Variants in EYA3 observed in about 807,000 individuals in gnomAD.
EYA3 encodes the protein EYA transcriptional coactivator and phosphatase 3.
Under a neutral mutation model 80.0 loss-of-function variants are expected in EYA3, and 39 were observed. The observed-to-expected ratio is 0.49, with a 90% confidence interval of 0.38 to 0.64. EYA3 has a LOEUF of 0.64. EYA3 is among the 30% of genes least tolerant of loss of function. The pLI, the probability that EYA3 is intolerant of heterozygous loss-of-function variation, is 0.00. For missense variants in EYA3, 523 were observed against 676.1 expected (o/e 0.77, Z 2.51); for synonymous variants, 206 against 232.8 (o/e 0.88, Z 1.05).
chr1:28,005,812 T>C lies in EYA3; in HGVS notation c.910-1393A>G, dbSNP rs117515928. Among the ~76,000 whole-genome samples the C allele has an allele frequency of 9.7e-4, 148 of 152,096 alleles. 3 individuals are homozygous for C. In the East Asian group the frequency reaches 0.027, roughly 28 times the overall value. On this transcript the variant is annotated intron_variant, in intron 10 of 17. Coordinates refer to ENST00000373871, the MANE Select transcript of EYA3 (RefSeq NM_001990.4). ...CAAATTCAGCAGCATATTAAAAGAATTAAACATCATGGCCGGGCATGGTGG... is the reference window on the plus strand; with the variant it reads ...CAAATTCAGCAGCATATTAAAAGAACTAAACATCATGGCCGGGCATGGTGG...
At chr1:28,047,277 C>T (rs1644046233) in intron 3 of EYA3, among the ~76,000 whole-genome samples, 1 of 152,070 alleles carries the variant, frequency 6.6e-6, no homozygotes, top group Non-Finnish European at 1.5e-5. Context: ...GGATTATAGG[C>T]TCAAGTCACC....
intron 13 of EYA3, among the ~76,000 whole-genome samples, chr1:27,994,469 C>T (rs561880373): frequency 5.3e-5 from 8 of 151,172 alleles, no homozygotes; most frequent in East Asian, 2.0e-4. Context: ...GAGGCCGAGG[C>T]GGGTGGATCT....
rs567076106 is a variant in EYA3 at position 28,053,148 on chromosome 1, C to T, written c.34-4722G>A. Among the ~76,000 whole-genome samples the T allele has an allele frequency of 2.7e-3, 266 of 98,120 alleles. 2 individuals are homozygous for T. The highest frequency in any genetic ancestry group is 0.011 in the African/African-American group (241 of 21,814). The allele number at this position is 98,120 out of a possible 152,430, so 64.4% of individuals were successfully genotyped here. On this transcript the variant is annotated intron_variant, in intron 2 of 17. Transcript: ENST00000373871. ...CAGTCTGGGTGACAAAATGAGACCC[C>T]GTCTCAAAAAAAAAAAAAAAAAAAA... is the stretch of plus-strand genomic sequence containing the variant.
At chr1:28,050,568 G>A (rs74459502) in intron 2 of EYA3, among the ~76,000 whole-genome samples, 10,307 of 151,924 alleles carry the variant, frequency 0.068, 619 homozygotes, top group East Asian at 0.25. Flanking sequence ...ATTTATTACC[G>A]TGCCAACCCA....
At chr1:27,998,674 G>A (rs566557989) in intron 12 of EYA3, among the ~76,000 whole-genome samples, 190 of 147,478 alleles carry the variant, frequency 1.3e-3, no homozygotes, top group Non-Finnish European at 1.0e-3. Context: ...AGGAGTTTGA[G>A]ACCAGCCTGG....
chr1:28,005,296 C>T (rs1641185470), intron 10 of EYA3, among the ~76,000 whole-genome samples: 1 of 151,864 alleles, frequency 6.6e-6, no homozygotes, highest in Non-Finnish European at 1.5e-5. Context: ...TAAACTCTTA[C>T]AAAAAAAGGA....
chr1:28,081,747 A>T (rs2148956583), intron 1 of EYA3, among the ~76,000 whole-genome samples: 1 of 152,344 alleles, frequency 6.6e-6, no homozygotes, highest in South Asian at 2.1e-4. Flanking sequence ...AACTAAAGAA[A>T]AAATTCAATT....
chr1:28,073,106 T>TATATACATATAC (rs1415282216), intron 1 of EYA3, among the ~76,000 whole-genome samples: 2 of 43,198 alleles, frequency 4.6e-5, no homozygotes, highest in African/African-American at 2.7e-4. Context: ...GAAACTATTA[T>TATATACATATAC]ATATATATAT....
At position 28,034,053 on chromosome 1, in the gene EYA3, C is replaced by T. The variant is rs868292065; in HGVS notation, c.361+1491G>A. 7.7e-4 allele frequency among the ~76,000 whole-genome samples: 117 copies of T among 151,802 alleles called. 4 individuals are homozygous for T. The highest frequency in any genetic ancestry group is 5.9e-4 in the Admixed American group (9 of 15,232). On this transcript the variant is annotated intron_variant, in intron 6 of 17. Coordinates refer to ENST00000373871, the MANE Select transcript of EYA3 (RefSeq NM_001990.4). Reference sequence around the variant, plus strand: ...TACTAAAATACAAAAATTAGGCAGGCTTGGTGGTGCACACAGCGAGACTCT... The same window carrying T: ...TACTAAAATACAAAAATTAGGCAGGTTTGGTGGTGCACACAGCGAGACTCT...
chr1:28,032,219 A>C (rs1171805235), intron 6 of EYA3: 3 of 152,212 alleles, frequency 2.0e-5, no homozygotes, highest in Non-Finnish European at 4.4e-5. Context: ...TGGTATTACA[A>C]CATTGTGTTT....
intron 8 of EYA3, among the ~76,000 whole-genome samples, chr1:28,014,740 A>AC (rs397937907): frequency 6.6e-6 from 1 of 151,732 alleles, no homozygotes; most frequent in African/African-American, 2.4e-5. Flanking sequence ...AAAAAAAAAA[A>AC]GGTTTCTTAA....
intron 1 of EYA3, among the ~76,000 whole-genome samples, chr1:28,069,569 GAGA>G (rs1376794245): frequency 8.3e-5 from 12 of 143,964 alleles, no homozygotes; most frequent in Non-Finnish European, 1.1e-4. Flanking sequence ...AAAAAAGAGA[GAGA>G]AGAAGAAGAA....
intron 17 of EYA3, among the ~76,000 whole-genome samples, chr1:27,975,093 A>C (rs1638868472): frequency 6.6e-6 from 1 of 152,224 alleles, no homozygotes; most frequent in Admixed American, 6.5e-5. Flanking sequence ...AAGATGGAGA[A>C]TGTACAGATC....
chr1:27,974,514 A>G lies in EYA3; in HGVS notation c.1674T>C (p.His558=), dbSNP rs1216095766. Residue 558 remains histidine, a synonymous_variant, in exon 18 of 18, where the codon CAT becomes CAC. Transcript: ENST00000373871. ...HNMPFWRITN[H]GDLVSLHQAL... ...CCTGGTGAAGGGATACTAGGTCTCC[A>G]TGGTTTGTGATCCTCCAGAAAGGCA... 2 of 1,612,928 alleles carry G rather than the reference A, an allele frequency of 1.2e-6. No homozygotes were observed.
intron 1 of EYA3, among the ~76,000 whole-genome samples, chr1:28,073,116 TA>T (rs1405322602): frequency 1.8e-4 from 9 of 50,336 alleles, no homozygotes; most frequent in Non-Finnish European, 2.6e-4. Flanking sequence ...TATATATATA[TA>T]TATATATATA....
chr1:28,027,885 G>A lies in EYA3; in HGVS notation c.403C>T (p.Gln135Ter). Residue 135 changes from glutamine (Q) to a stop codon, truncating the protein, a stop_gained, in exon 7 of 18, where the codon CAG (glutamine) becomes TAG (stop). Transcript: ENST00000373871. LOFTEE classifies it high-confidence loss of function. Reference sequence around the variant, plus strand: ...CTGTGTTGACTTGGAGATGGAGTCTGAATTAAACCACTTTCAGGTTTCATA... The same window carrying A: ...CTGTGTTGACTTGGAGATGGAGTCTAAATTAAACCACTTTCAGGTTTCATA... ...PGMKPESGLIQTPSPSQHSVL... is the reference protein window; with the variant it reads ...PGMKPESGLI 2.5e-6 allele frequency: 4 copies of A among 1,614,100 alleles called. No individual in the cohort carries two copies. The highest frequency in any genetic ancestry group is 3.4e-6 in the Non-Finnish European group (4 of 1,180,006).
intron 2 of EYA3, among the ~76,000 whole-genome samples, chr1:28,048,881 T>C (rs1040073978): frequency 1.3e-5 from 2 of 152,220 alleles, no homozygotes; most frequent in African/African-American, 2.4e-5. Context: ...ACCAGTAATT[T>C]AGAAAATATT....
chr1:28,057,964 C>A (rs750782556), intron 2 of EYA3, 30 bp downstream of exon 2: 1 of 1,407,710 alleles, frequency 7.1e-7, no homozygotes, highest in South Asian at 1.5e-5. Flanking sequence ...CTTCTACAAT[C>A]AACTTTAAAC....
rs142552670 is a variant in EYA3, at chr1:28,033,640, G to GTATTAT, written c.361+1898_361+1903dup. 4.6e-3 allele frequency among the ~76,000 whole-genome samples: 647 copies of GTATTAT among 141,062 alleles called. 4 individuals are homozygous for GTATTAT. Among genetic ancestry groups the GTATTAT allele is most frequent in the African/African-American group, 9.1e-3 (357 of 39,066 alleles). 92.5% of individuals were successfully genotyped at this position (141,062 alleles called of 152,430 possible). ...TTACAGAATTTTTTTCTTTTTTAAT[G>GTATTAT]TATTATTATTATTATTATTATTATT... On this transcript the variant is annotated intron_variant, in intron 6 of 17. Transcript: ENST00000373871.
Sources: allele counts gnomAD v4.1 joint callset (sites outside exome capture counted in the v4.1 genomes callset), GRCh38; gene constraint gnomAD v4.1.1; transcripts MANE v1.5; gene names NCBI Gene and HGNC (gene_info 2026-07-23, HGNC 2026-07-21).